ANKFN1: variants seen among roughly 807,000 people sequenced by gnomAD.
The protein encoded by ANKFN1 is ankyrin repeat and fibronectin type III domain containing 1.
In ANKFN1, 74 loss-of-function variants were observed where a neutral mutation model predicts 108.7. The ratio of observed to expected loss-of-function variants is 0.68; its 90% CI spans 0.56 to 0.83. ANKFN1 has a LOEUF of 0.83. Among genes scored for constraint, ANKFN1 ranks in the 40% least tolerant of loss-of-function variants. The pLI is 0.00. For missense variants in ANKFN1, 1,505 were observed against 1,382.3 expected, an observed-to-expected ratio of 1.09 and a Z score of -1.41; for synonymous variants, 547 against 516.2, an observed-to-expected ratio of 1.06 and a Z score of -0.81.
chr17:56,309,688 C>G (rs757591791), intron 3 of ANKFN1, among the ~76,000 whole-genome samples: 1 of 152,104 alleles, frequency 6.6e-6, no homozygotes, highest in Non-Finnish European at 1.5e-5. Flanking sequence ...ATACTGAACC[C>G]TATATACACT....
intron 1 of ANKFN1, among the ~76,000 whole-genome samples, chr17:56,159,670 C>T (rs1026504747): frequency 5.9e-5 from 9 of 152,196 alleles, no homozygotes; most frequent in Non-Finnish European, 1.0e-4. Context: ...CCAAGACACA[C>T]GTATTAATAA....
chr17:56,266,180 C>T (rs567421201), intron 3 of ANKFN1, among the ~76,000 whole-genome samples: 1 of 152,168 alleles, frequency 6.6e-6, no homozygotes, highest in African/African-American at 2.4e-5. Flanking sequence ...CATTTGAACC[C>T]TGGGCTATTT....
At chr17:56,082,262 G>T (rs188720079) in intron 4 of ANKFN1, among the ~76,000 whole-genome samples, 263 of 126,772 alleles carry the variant, frequency 2.1e-3, no homozygotes, top group African/African-American at 8.0e-3. Flanking sequence ...CCAAGTTTTT[G>T]TTGTTGTTGT....
At chr17:56,410,277 C>T (rs1230498614) in intron 8 of ANKFN1, among the ~76,000 whole-genome samples, 1 of 152,010 alleles carries the variant, frequency 6.6e-6, no homozygotes. Flanking sequence ...GGGGTTTCAC[C>T]ATGTTGGCCA....
intron 4 of ANKFN1, among the ~76,000 whole-genome samples, chr17:56,070,373 C>T (rs1268381920): frequency 3.3e-5 from 5 of 152,156 alleles, no homozygotes; most frequent in Admixed American, 3.3e-4. Context: ...CTGTCGCCTT[C>T]TTTATATGGC....
intron 4 of ANKFN1, among the ~76,000 whole-genome samples, chr17:56,055,579 A>G (rs1379772027): frequency 1.8e-5 from 2 of 109,648 alleles, no homozygotes; most frequent in Non-Finnish European, 3.5e-5. Context: ...ATATATATAT[A>G]TATATATATG....
chr17:56,415,613 C>G (rs79344147), intron 8 of ANKFN1, among the ~76,000 whole-genome samples: 1 of 152,056 alleles, frequency 6.6e-6, no homozygotes, highest in African/African-American at 2.4e-5. Context: ...TTGGAAGAAT[C>G]AATATTGTTA....
intron 4 of ANKFN1, among the ~76,000 whole-genome samples, chr17:56,119,127 T>C (rs1160223767): frequency 6.6e-6 from 1 of 152,078 alleles, no homozygotes; most frequent in East Asian, 1.9e-4. Flanking sequence ...AGAACAGAGA[T>C]CTGCTCAATG....
intron 2 of ANKFN1, among the ~76,000 whole-genome samples, chr17:56,215,616 G>A (rs1052165899): frequency 1.3e-5 from 2 of 152,230 alleles, no homozygotes; most frequent in Non-Finnish European, 2.9e-5. Context: ...TGCGATTCAT[G>A]TAGATGAAGG....
intron 4 of ANKFN1, among the ~76,000 whole-genome samples, chr17:56,142,446 A>G (rs1440739179): frequency 6.6e-6 from 1 of 152,202 alleles, no homozygotes; most frequent in Non-Finnish European, 1.5e-5. Context: ...TTCTTTTGCA[A>G]CACATAACAT....
At chr17:56,436,920 C>T (rs1310191040) in intron 8 of ANKFN1, among the ~76,000 whole-genome samples, 1 of 152,044 alleles carries the variant, frequency 6.6e-6, no homozygotes, top group Non-Finnish European at 1.5e-5. Flanking sequence ...CTTTAAATGC[C>T]CAGAAATTCC....
chr17:56,289,087 C>A (rs1308040032), intron 3 of ANKFN1, among the ~76,000 whole-genome samples: 1 of 152,128 alleles, frequency 6.6e-6, no homozygotes, highest in Non-Finnish European at 1.5e-5. Flanking sequence ...TGGAAGAATG[C>A]AGGGATGGAA....
At chr17:56,501,593 A>G (rs1306383721) in intron 20 of ANKFN1, among the ~76,000 whole-genome samples, 1 of 152,224 alleles carries the variant, frequency 6.6e-6, no homozygotes, top group Non-Finnish European at 1.5e-5. Flanking sequence ...AACAAGCTGC[A>G]TGGAGTCTAG....
intron 3 of ANKFN1, among the ~76,000 whole-genome samples, chr17:56,232,271 GA>G (rs1916792974): frequency 6.6e-6 from 1 of 152,044 alleles, no homozygotes; most frequent in Non-Finnish European, 1.5e-5. Context: ...AGCCTGAACT[GA>G]AAAGAATACT....
At chr17:56,393,943 T>C (rs1236108496) in intron 8 of ANKFN1, among the ~76,000 whole-genome samples, 1 of 152,200 alleles carries the variant, frequency 6.6e-6, no homozygotes, top group Non-Finnish European at 1.5e-5. Context: ...AGTCAACAAA[T>C]ACTAAGTGTT....
Position 56,457,494 on chromosome 17 carries a change from G to A in ANKFN1, c.1440+105G>A, listed in dbSNP as rs77486483. The A allele has an allele frequency of 9.9e-3, 12,993 of 1,311,838 alleles. 88 individuals carry two copies. Among genetic ancestry groups the A allele is most frequent in the Non-Finnish European group, 0.012 (11,930 of 961,798 alleles). 81.3% of individuals were successfully genotyped at this position (1,311,838 alleles called of 1,614,324 possible). A position where few individuals can be genotyped will look rare whatever the true frequency, so the allele number is the denominator to read the frequency against. On this transcript the variant is annotated intron_variant, in intron 13 of 20. Coordinates refer to ENST00000682825, the MANE Select transcript of ANKFN1 (RefSeq NM_001370326.1). ...GGTCTCCAGCGATCAGAGTTTTGGGGTAGAAATAAAGTATCTCCAAGGTCC... is the reference window on the plus strand; with the variant it reads ...GGTCTCCAGCGATCAGAGTTTTGGGATAGAAATAAAGTATCTCCAAGGTCC...
chr17:56,399,763 A>G (rs577817550), intron 8 of ANKFN1, among the ~76,000 whole-genome samples: 9 of 151,656 alleles, frequency 5.9e-5, no homozygotes, highest in Non-Finnish European at 1.3e-4. Context: ...TTCACTTAGA[A>G]TAATAGTCTC....
intron 3 of ANKFN1, among the ~76,000 whole-genome samples, chr17:56,249,622 G>T (rs2043191864): frequency 6.6e-6 from 1 of 152,106 alleles, no homozygotes; most frequent in South Asian, 2.1e-4. Flanking sequence ...AACTTTCTAT[G>T]AATAGACAGC....
At chr17:56,265,439 C>T (rs1227396153) in intron 3 of ANKFN1, among the ~76,000 whole-genome samples, 1 of 152,166 alleles carries the variant, frequency 6.6e-6, no homozygotes, top group African/African-American at 2.4e-5. Context: ...CAATCACTTC[C>T]CACCAGGTCC....
Sources: gnomAD v4.1 joint callset for allele counts (sites outside exome capture counted in the v4.1 genomes callset) on GRCh38, gnomAD v4.1.1 for gene constraint, MANE v1.5 for transcripts, NCBI Gene and HGNC (gene_info 2026-07-23, HGNC 2026-07-21) for gene names.